Variants in FRAS1 observed in about 807,000 individuals in gnomAD.
FRAS1 encodes the protein Fraser extracellular matrix complex subunit 1.
FRAS1 carries 290 observed loss-of-function variants against 435.2 expected under a neutral mutation model. The ratio of observed to expected loss-of-function variants is 0.67; its 90% confidence interval spans 0.61 to 0.73. The LOEUF (loss-of-function observed/expected upper bound fraction) is 0.73, where lower values mean the gene tolerates loss of function less well. Ranked by LOEUF, FRAS1 falls within the 30% of genes least tolerant of loss-of-function variation. The probability of loss-of-function intolerance (pLI) is 0.00; values close to 1 mark genes in which losing one functional copy is unlikely to be tolerated. For synonymous variants in FRAS1, 1,800 were observed against 1,851.0 expected, an observed-to-expected ratio of 0.97 and a Z score of 0.71; for missense variants, 4,860 against 5,001.5, an observed-to-expected ratio of 0.97 and a Z score of 0.85.
At chr4:78,284,972 A>G (rs556394422) in intron 13 of FRAS1, among the ~76,000 whole-genome samples, 2 of 152,300 alleles carry the variant, frequency 1.3e-5, no homozygotes, top group South Asian at 2.1e-4. Context: ...TAATTTTGCA[A>G]ATGGGGAATC....
At chr4:78,523,284 G>T (rs1356252173) in intron 69 of FRAS1, among the ~76,000 whole-genome samples, 1 of 152,120 alleles carries the variant, frequency 6.6e-6, no homozygotes, top group African/African-American at 2.4e-5. Flanking sequence ...CTGCCTACAA[G>T]GGAAGCTGGG....
At chr4:78,537,281 A>G in intron 72 of FRAS1, 81 bp downstream of exon 72, 7 of 1,278,534 alleles carry the variant, frequency 5.5e-6, no homozygotes, top group Non-Finnish European at 7.6e-6. Flanking sequence ...CCTAAAGTAG[A>G]TAGAGCTCAC....
intron 2 of FRAS1, among the ~76,000 whole-genome samples, chr4:78,086,328 G>A (rs1188888482): frequency 6.6e-6 from 1 of 152,160 alleles, no homozygotes; most frequent in Non-Finnish European, 1.5e-5. Flanking sequence ...AAGCAGGAAA[G>A]ATCCAAAATT....
At chr4:78,261,465 G>A (rs182761005) in intron 6 of FRAS1, among the ~76,000 whole-genome samples, 50 of 152,204 alleles carry the variant, frequency 3.3e-4, no homozygotes, top group African/African-American at 1.2e-3. Context: ...TAAGCAGAAG[G>A]AATTTGAGTA....
intron 70 of FRAS1, among the ~76,000 whole-genome samples, chr4:78,528,213 G>T (rs2109899960): frequency 6.6e-6 from 1 of 152,294 alleles, no homozygotes; most frequent in Middle Eastern, 3.4e-3. Flanking sequence ...GAGGGTTACA[G>T]CTAGCAGCAG....
intron 6 of FRAS1, among the ~76,000 whole-genome samples, chr4:78,255,592 A>G (rs1192002334): frequency 1.3e-5 from 2 of 152,348 alleles, no homozygotes; most frequent in African/African-American, 2.4e-5. Flanking sequence ...TAATTGTTAT[A>G]TAATGCAACT....
chr4:78,464,652 G>C (rs981239712), intron 49 of FRAS1, 69 bp downstream of exon 49: 4 of 1,540,644 alleles, frequency 2.6e-6, no homozygotes, highest in Admixed American at 3.5e-5. Flanking sequence ...CTATCACGTT[G>C]CAGCTGTGCA....
At chr4:78,265,471 C>T (rs1393624290) in intron 7 of FRAS1, among the ~76,000 whole-genome samples, 3 of 152,130 alleles carry the variant, frequency 2.0e-5, no homozygotes, top group African/African-American at 7.2e-5. Context: ...TATGCATTGA[C>T]ATCTGGAGAC....
At chr4:78,409,132 A>AAG (rs1733223744) in intron 31 of FRAS1, among the ~76,000 whole-genome samples, 1 of 150,340 alleles carries the variant, frequency 6.7e-6, no homozygotes, top group African/African-American at 2.4e-5. Flanking sequence ...AAAAAAAAAA[A>AAG]AAAGACAAAA....
At chr4:78,421,488 T>C (rs1224829078) in intron 33 of FRAS1, among the ~76,000 whole-genome samples, 1 of 152,150 alleles carries the variant, frequency 6.6e-6, no homozygotes, top group East Asian at 1.9e-4. Flanking sequence ...GCTGATTCGA[T>C]GGTGTCCGCC....
intron 2 of FRAS1, among the ~76,000 whole-genome samples, chr4:78,198,320 G>A (rs753084378): frequency 1.3e-5 from 2 of 152,162 alleles, no homozygotes; most frequent in African/African-American, 2.4e-5. Flanking sequence ...TAGAGGTCCC[G>A]TGGGCATACA....
Position 78,488,955 on chromosome 4 carries a change from G to A in FRAS1, c.8833G>A (p.Gly2945Arg), listed in dbSNP as rs771808832. ...GVLHVPITRS[G>R]DLSYESSVRC... ...CCTGCATGTCCCTATCACTCGGAGC[G>A]GAGACCTGAGCTATGAGTCATCAGT... The change falls in exon 59 of 74, where the codon GGA (glycine) becomes AGA (arginine). Residue 2945 changes from glycine to arginine, a missense_variant. Transcript: ENST00000512123. The A allele has an allele frequency of 1.4e-5, 23 of 1,613,458 alleles. No homozygotes were observed. The highest frequency in any genetic ancestry group is 4.5e-5 in the East Asian group (2 of 44,832).
At chr4:78,366,487 A>G (rs1243354516) in intron 22 of FRAS1, among the ~76,000 whole-genome samples, 2 of 152,220 alleles carry the variant, frequency 1.3e-5, no homozygotes, top group African/African-American at 4.8e-5. Context: ...AATTACTGTC[A>G]TTCCCCACCT....
chr4:78,542,007 T>C lies in FRAS1; in HGVS notation c.*883T>C, dbSNP rs958338685. The C allele has an allele frequency of 6.6e-6, 1 of 152,214 alleles. No homozygotes were observed. Among genetic ancestry groups the C allele is most frequent in the African/African-American group, 2.4e-5 (1 of 41,446 alleles). 9.4% of individuals were successfully genotyped at this position (152,214 alleles called of 1,614,324 possible). A position where few individuals can be genotyped will look rare whatever the true frequency, so the allele number is the denominator to read the frequency against. Reference sequence around the variant, plus strand: ...GCTTTAAAGAAAACCCACCACACTTTCCTCCTACTCCGGTCTTTGCCCGTT... The same window carrying C: ...GCTTTAAAGAAAACCCACCACACTTCCCTCCTACTCCGGTCTTTGCCCGTT... On this transcript the variant is annotated 3_prime_UTR_variant, in exon 74 of 74. Coordinates refer to ENST00000512123, the MANE Select transcript of FRAS1 (RefSeq NM_025074.7).
chr4:78,286,243 A>T (rs1451322340), intron 13 of FRAS1, 162 bp from the exon 14 acceptor site: 2 of 782,586 alleles, frequency 2.6e-6, no homozygotes, highest in South Asian at 2.8e-5. Flanking sequence ...GCTGACATGA[A>T]CTGTGTGCTA....
rs1029037029 is a variant in FRAS1, at chr4:78,541,328, C to T, written c.*204C>T. ...AACCCCAGAGTATTACAGTTATTTC[C>T]GTAGATCCCTTTAATAGTGTCAACA... On this transcript the variant is annotated 3_prime_UTR_variant, in exon 74 of 74. Coordinates refer to ENST00000512123, the MANE Select transcript of FRAS1 (RefSeq NM_025074.7). 6.6e-5 allele frequency: 26 copies of T among 394,968 alleles called. 1 individual carries two copies. Among genetic ancestry groups the T allele is most frequent in the East Asian group, 6.1e-4 (17 of 27,650 alleles). The allele number at this position is 394,968 out of a possible 1,614,324, so 24.5% of individuals were successfully genotyped here.
intron 2 of FRAS1, among the ~76,000 whole-genome samples, chr4:78,210,163 C>T (rs567649002): frequency 1.3e-5 from 2 of 152,296 alleles, no homozygotes; most frequent in South Asian, 2.1e-4. Context: ...AGCTGCTTCT[C>T]CCTCCTTCCC....
At chr4:78,089,328 T>G (rs1406905850) in intron 2 of FRAS1, among the ~76,000 whole-genome samples, 2 of 151,748 alleles carry the variant, frequency 1.3e-5, no homozygotes, top group Non-Finnish European at 2.9e-5. Context: ...TACTTAATGC[T>G]AAATGACGAG....
chr4:78,194,085 T>G (rs1291594160), intron 2 of FRAS1, among the ~76,000 whole-genome samples: 1 of 152,210 alleles, frequency 6.6e-6, no homozygotes, highest in Non-Finnish European at 1.5e-5. Context: ...TCTTTAAGAA[T>G]GTTGAATATT....
Sources: gnomAD v4.1 joint callset for allele counts (sites outside exome capture counted in the v4.1 genomes callset) on GRCh38, gnomAD v4.1.1 for gene constraint, MANE v1.5 for transcripts, NCBI Gene and HGNC (gene_info 2026-07-23, HGNC 2026-07-21) for gene names.